The following MICAL2 variants were observed in gnomAD, a reference collection of about 807,000 sequenced individuals.
MICAL2 encodes the protein microtubule associated monooxygenase, calponin and LIM domain containing 2, also known as [F-actin]-monooxygenase MICAL2.
Under a neutral mutation model 127.3 loss-of-function variants are expected in MICAL2, and 77 were observed. That is an observed-to-expected ratio of 0.60 (90% CI 0.50 to 0.73). The LOEUF is 0.73. Among genes scored for constraint, MICAL2 ranks in the 30% least tolerant of loss-of-function variants. The pLI, the probability that MICAL2 is intolerant of heterozygous loss-of-function variation, is 0.00. For missense variants in MICAL2, 1,351 were observed against 1,434.4 expected, an observed-to-expected ratio of 0.94 and a Z score of 0.94; for synonymous variants, 570 against 551.1, an observed-to-expected ratio of 1.03 and a Z score of -0.48.
intron 10 of MICAL2, 126 bp from the exon 11 acceptor site, chr11:12,222,491 G>A (rs897993396): frequency 7.8e-7 from 1 of 1,285,362 alleles, no homozygotes; most frequent in Non-Finnish European, 1.1e-6. Flanking sequence ...AGGTATTTCA[G>A]GGAAGGGTTA....
At chr11:12,240,137 C>A (rs150663062) in intron 17 of MICAL2, among the ~76,000 whole-genome samples, 98 of 152,340 alleles carry the variant, frequency 6.4e-4, no homozygotes, top group African/African-American at 2.3e-3. Flanking sequence ...CAGGTGTTTC[C>A]TGGCACTCCC....
chr11:12,178,210 A>G (rs1857046733), intron 3 of MICAL2, among the ~76,000 whole-genome samples: 1 of 152,248 alleles, frequency 6.6e-6, no homozygotes, highest in South Asian at 2.1e-4. Flanking sequence ...AACACGTGGC[A>G]GTGACTGAAG....
chr11:12,244,150 C>A (rs1236428173), intron 21 of MICAL2, 38 bp downstream of exon 21: 1 of 1,612,622 alleles, frequency 6.2e-7, no homozygotes, highest in Admixed American at 1.7e-5. Flanking sequence ...CTATTCCCTG[C>A]ATGTTCCCAG....
intron 32 of MICAL2, among the ~76,000 whole-genome samples, chr11:12,339,608 T>C (rs530326508): frequency 0.011 from 1,651 of 152,268 alleles, 36 homozygotes; most frequent in African/African-American, 0.038. Context: ...ATGATGGTGA[T>C]GTACAGATGG....
In MICAL2 at chr11:12,223,629, T is replaced by C. The variant is rs115333374; in HGVS notation, c.1540+128T>C. 6.3e-3 allele frequency: 4,769 copies of C among 752,488 alleles called. 177 individuals carry two copies. In the African/African-American group the frequency reaches 0.074, roughly 12 times the overall value. The allele number at this position is 752,488 out of a possible 1,614,324, so 46.6% of individuals were successfully genotyped here. A position where few individuals can be genotyped will look rare whatever the true frequency, so the allele number is the denominator to read the frequency against. ...CTCTGCCCCTTTACCTGTGTGGTCA[T>C]GGGCAGGCACCTGTCCTCTTTGTAC... On this transcript the variant is annotated intron_variant, in intron 12 of 27. Coordinates refer to ENST00000683283, the MANE Select transcript of MICAL2 (RefSeq NM_001282663.2).
chr11:12,182,353 A>G (rs7124147), intron 3 of MICAL2, among the ~76,000 whole-genome samples: 87,614 of 151,826 alleles, frequency 0.58, 25,647 homozygotes, highest in South Asian at 0.71. Context: ...GTTGCTGAAA[A>G]GAGCTTGGAA....
At chr11:12,272,507 G>C (rs1863684901), upstream of MICAL2, among the ~76,000 whole-genome samples, 1 of 152,186 alleles carries the variant, frequency 6.6e-6, no homozygotes, top group Admixed American at 6.5e-5. Flanking sequence ...ATCTGAGGAG[G>C]ACACAGCATC....
chr11:12,149,680 C>G (rs927706879), intron 2 of MICAL2, among the ~76,000 whole-genome samples: 1 of 152,086 alleles, frequency 6.6e-6, no homozygotes, highest in African/African-American at 2.4e-5. Context: ...GTGCTGCTCA[C>G]TGAGGTTGGG....
intron 2 of MICAL2, among the ~76,000 whole-genome samples, chr11:12,158,497 T>C (rs902516037): frequency 9.9e-6 from 1 of 100,518 alleles, no homozygotes; most frequent in East Asian, 2.0e-4. Context: ...ATTGAAAATA[T>C]TCAGGAAAAA....
downstream of MICAL2, among the ~76,000 whole-genome samples, chr11:12,288,230 G>T (rs1034284650): frequency 1.3e-5 from 2 of 152,250 alleles, no homozygotes; most frequent in African/African-American, 4.8e-5. Flanking sequence ...GGGCAGAGGA[G>T]CTAGCATTGC....
intron 3 of MICAL2, chr11:12,197,371 A>G (rs982306473): frequency 3.9e-5 from 6 of 152,240 alleles, no homozygotes; most frequent in Admixed American, 6.5e-5. Context: ...TGCAGGATGC[A>G]TTTCTTATAG....
intron 13 of MICAL2, among the ~76,000 whole-genome samples, chr11:12,225,921 T>A (rs911265627): frequency 4.6e-5 from 7 of 152,346 alleles, no homozygotes; most frequent in Admixed American, 1.3e-4. Context: ...GAGGTTTAAA[T>A]CATTTTCTGA....
At position 12,255,749 on chromosome 11, in the gene MICAL2, T is replaced by C. The variant is rs1388711529; in HGVS notation, c.2954T>C (p.Leu985Pro). 1.2e-6 allele frequency: 2 copies of C among 1,611,310 alleles called. No individual in the cohort carries two copies. Among genetic ancestry groups the C allele is most frequent in the South Asian group, 1.1e-5 (1 of 90,564 alleles). The change falls in exon 23 of 28, where the codon CTG (leucine) becomes CCG (proline). Residue 985 changes from leucine to proline, a missense_variant and splice_region_variant. Transcript: ENST00000683283. The stretch of plus-strand genomic sequence containing the variant: ...AAGGCCCAGGCCACCTCTCCAGACC[T>C]GGTAAGGACATGCACCCCCAGCCTT... The part of the protein sequence containing the change: ...RPKAQATSPD[L>P]ESMRKSFPLN...
intron 17 of MICAL2, among the ~76,000 whole-genome samples, chr11:12,240,010 C>G (rs1031533497): frequency 1.3e-5 from 2 of 152,186 alleles, no homozygotes; most frequent in African/African-American, 4.8e-5. Context: ...TGAGGTGATA[C>G]AGTTTGAAGG....
intron 3 of MICAL2, among the ~76,000 whole-genome samples, chr11:12,185,903 G>A (rs776156973): frequency 3.3e-5 from 5 of 152,196 alleles, no homozygotes; most frequent in South Asian, 2.1e-4. Context: ...AAATACTGCC[G>A]AGGCTTTGAA....
intron 1 of MICAL2, among the ~76,000 whole-genome samples, chr11:12,121,975 A>G (rs1013843803): frequency 1.3e-5 from 2 of 152,230 alleles, no homozygotes; most frequent in Admixed American, 6.5e-5. Context: ...TCCTAGGATC[A>G]GTGCTACCCA....
At chr11:12,329,265 G>C (rs766841074) in intron 32 of MICAL2, among the ~76,000 whole-genome samples, 1 of 152,224 alleles carries the variant, frequency 6.6e-6, no homozygotes, top group Non-Finnish European at 1.5e-5. Context: ...TGGACTGAGA[G>C]TCACTGTCCA....
chr11:12,338,707 C>G (rs1269608900), intron 32 of MICAL2, among the ~76,000 whole-genome samples: 2 of 152,144 alleles, frequency 1.3e-5, no homozygotes, highest in Non-Finnish European at 2.9e-5. Flanking sequence ...TTCTCCTTCA[C>G]TTATGAAGCT....
At position 12,241,087 on chromosome 11, in the gene MICAL2, C is replaced by T. The variant is rs531909303; in HGVS notation, c.2262C>T (p.Ser754=). The T allele has an allele frequency of 1.6e-4, 262 of 1,614,192 alleles. 4 individuals are homozygous for T. In the Middle Eastern group the frequency reaches 3.1e-3, roughly 19 times the overall value. Residue 754 remains serine, a synonymous_variant, in exon 18 of 28, where the codon TCC becomes TCT. Coordinates refer to ENST00000683283, the MANE Select transcript of MICAL2 (RefSeq NM_001282663.2). ...GTAAGCCGGTCCTGTGCTCTTCCTC[C>T]GGCCCTCCTGTTCACTCTTGCTGCC... The part of the protein sequence containing the change: ...GIGKPVLCSS[S]GPPVHSCCPK...
Sources: allele counts gnomAD v4.1 joint callset (sites outside exome capture counted in the v4.1 genomes callset), GRCh38; gene constraint gnomAD v4.1.1; transcripts MANE v1.5; gene names NCBI Gene and HGNC (gene_info 2026-07-23, HGNC 2026-07-21).